TBC1D32: variants seen among roughly 807,000 people sequenced by gnomAD.
The protein encoded by TBC1D32 is TBC1 domain family member 32, also known as protein broad-minded.
In TBC1D32, 151 loss-of-function variants were observed where a neutral mutation model predicts 170.3. That is an observed-to-expected ratio of 0.89 (90% confidence interval 0.78 to 1.01). TBC1D32 has a LOEUF of 1.01. Ranked by LOEUF, TBC1D32 falls within the 50% of genes least tolerant of loss-of-function variation. TBC1D32 has a pLI of 0.00. For missense variants in TBC1D32, 1,464 were observed against 1,457.1 expected (o/e 1.00, Z -0.08); for synonymous variants, 498 against 488.0 (o/e 1.02, Z -0.27).
chr6:121,233,646 A>T (rs1356070037), intron 20 of TBC1D32, among the ~76,000 whole-genome samples: 1 of 152,060 alleles, frequency 6.6e-6, no homozygotes. Flanking sequence ...CTTGGTTAGT[A>T]AATTCTTATC....
At chr6:121,217,436 A>G (rs1793972219) in intron 21 of TBC1D32, among the ~76,000 whole-genome samples, 1 of 152,282 alleles carries the variant, frequency 6.6e-6, no homozygotes, top group South Asian at 2.1e-4. Context: ...AATTGAATAA[A>G]GAAAATGTGG....
Position 121,160,995 on chromosome 6 carries a change from C to T in TBC1D32, c.2632G>A (p.Val878Ile), listed in dbSNP as rs756157694. The T allele has an allele frequency of 3.1e-6, 5 of 1,613,862 alleles. No individual in the cohort carries two copies. The South Asian group carries it at 5.5e-5, about 18-fold the overall frequency. Residue 878 changes from valine (V) to isoleucine (I), a missense_variant, in exon 23 of 32, where the codon GTT (valine) becomes ATT (isoleucine). Physicochemically the swap from Val to Ile is conservative, Grantham distance 29. Around this residue, in one of 3 missense-constraint regions of TBC1D32, gnomAD observed 1,363 missense variants for 1,338.1 expected, o/e 1.02. Transcript: ENST00000398212. Reference protein sequence around the residue: ...RNHVLVRINLVGGPLERILPP... With the variant: ...RNHVLVRINLIGGPLERILPP... ...AAAATCCGTTCCAATGGCCCACCAA[C>T]AAGATTTATTCTAACAAGAACATGA...
At position 121,080,334 on chromosome 6, in the gene TBC1D32, C is replaced by A; in HGVS notation, c.*437G>T. On this transcript the variant is annotated 3_prime_UTR_variant, in exon 32 of 32. Transcript: ENST00000398212. ...CCGGGTTCAAGCGATTCTCCTGCCT[C>A]AGCCTCCCAAGTAGCAGGGACTACA... 1 of 317,144 alleles carries A rather than the reference C, an allele frequency of 3.2e-6. No homozygotes were observed. Among genetic ancestry groups the A allele is most frequent in the Non-Finnish European group, 6.6e-6 (1 of 151,548 alleles). 19.6% of individuals were successfully genotyped at this position (317,144 alleles called of 1,614,324 possible).
chr6:121,125,761 G>C (rs1376191460), intron 26 of TBC1D32, among the ~76,000 whole-genome samples: 1 of 152,196 alleles, frequency 6.6e-6, no homozygotes, highest in Non-Finnish European at 1.5e-5. Flanking sequence ...GGAGAGACAT[G>C]TCTCAGCTCA....
intron 24 of TBC1D32, among the ~76,000 whole-genome samples, chr6:121,135,467 T>C (rs78256012): frequency 0.015 from 2,222 of 152,270 alleles, 67 homozygotes; most frequent in African/African-American, 0.051. Context: ...TGCAGGACTG[T>C]AATGTCTGAG....
At chr6:121,141,879 G>C (rs1001608315) in intron 24 of TBC1D32, among the ~76,000 whole-genome samples, 2 of 152,106 alleles carry the variant, frequency 1.3e-5, no homozygotes, top group African/African-American at 4.8e-5. Context: ...AAAGGTTATG[G>C]CTAAAGGCAG....
At chr6:121,181,789 C>T (rs1159955252) in intron 22 of TBC1D32, among the ~76,000 whole-genome samples, 1 of 152,064 alleles carries the variant, frequency 6.6e-6, no homozygotes, top group Non-Finnish European at 1.5e-5. Flanking sequence ...TATTATTCAG[C>T]CATCAAAAAG....
At chr6:121,273,709 TA>T (rs1334373420) in intron 15 of TBC1D32, among the ~76,000 whole-genome samples, 1 of 151,624 alleles carries the variant, frequency 6.6e-6, no homozygotes, top group African/African-American at 2.4e-5. Flanking sequence ...AAGTTCAGCC[TA>T]AATGTTTCTC....
intron 3 of TBC1D32, among the ~76,000 whole-genome samples, chr6:121,313,108 GTGTGTGTGTGTGTGTGT>G (rs1808457270): frequency 7.7e-4 from 1 of 1,300 alleles, no homozygotes; most frequent in Non-Finnish European, 3.2e-3. Context: ...CTAAGGTGGT[GTGTGTGTGTGTGTGTGT>G]GTGTGTGTGT....
chr6:121,334,671 C>G (rs1811665394), upstream of TBC1D32: 7 of 561,062 alleles, frequency 1.2e-5, no homozygotes, highest in South Asian at 1.5e-4. Context: ...TAGTTGCTAG[C>G]CTTCAGTACC....
intron 12 of TBC1D32, among the ~76,000 whole-genome samples, chr6:121,286,613 C>T (rs1213947506): frequency 1.3e-5 from 2 of 152,112 alleles, no homozygotes; most frequent in African/African-American, 4.8e-5. Flanking sequence ...CCCAACCTAG[C>T]AAGGCAGGCC....
intron 17 of TBC1D32, among the ~76,000 whole-genome samples, chr6:121,245,305 C>G (rs985265847): frequency 6.6e-6 from 1 of 152,190 alleles, no homozygotes; most frequent in Non-Finnish European, 1.5e-5. Flanking sequence ...ATTCACAGCA[C>G]CAGCCTGGAG....
intron 26 of TBC1D32, among the ~76,000 whole-genome samples, chr6:121,117,324 T>C (rs961728281): frequency 2.6e-5 from 4 of 152,154 alleles, no homozygotes; most frequent in African/African-American, 9.7e-5. Flanking sequence ...AACAAAACTA[T>C]GCAGATAAAA....
At chr6:121,247,599 T>C (rs376835612) in intron 17 of TBC1D32, among the ~76,000 whole-genome samples, 1 of 147,738 alleles carries the variant, frequency 6.8e-6, no homozygotes, top group South Asian at 2.1e-4. Flanking sequence ...TCACATAAAC[T>C]TGAGGTAAAG....
intron 24 of TBC1D32, among the ~76,000 whole-genome samples, chr6:121,147,599 T>A (rs1210612460): frequency 1.3e-5 from 2 of 152,118 alleles, no homozygotes; most frequent in Non-Finnish European, 2.9e-5. Flanking sequence ...TTTTATTTTT[T>A]TATTTTTTTT....
intron 10 of TBC1D32, among the ~76,000 whole-genome samples, chr6:121,296,625 A>G (rs57819930): frequency 0.035 from 5,377 of 152,108 alleles, 262 homozygotes; most frequent in African/African-American, 0.1. Flanking sequence ...CCATCCATTT[A>G]TCCCAATTCT....
chr6:121,316,444 T>C (rs997075472), intron 3 of TBC1D32, among the ~76,000 whole-genome samples: 1 of 152,132 alleles, frequency 6.6e-6, no homozygotes, highest in African/African-American at 2.4e-5. Context: ...GCCATCTGAC[T>C]GTATTAAACT....
chr6:121,160,055 T>G lies in TBC1D32; in HGVS notation c.2728A>C (p.Asn910His). The G allele has an allele frequency of 1.2e-6, 2 of 1,609,098 alleles. No homozygotes were observed. Among genetic ancestry groups the G allele is most frequent in the Non-Finnish European group, 1.7e-6 (2 of 1,176,364 alleles). The change falls in exon 24 of 32, where the codon AAC becomes CAC. Residue 910 changes from asparagine (N) to histidine (H), a missense_variant. Physicochemically the swap from Asn to His is moderately conservative, Grantham distance 68. Transcript: ENST00000398212. ...WPMFSSYPLPNCYLSDITRNA... is the reference protein window; with the variant it reads ...WPMFSSYPLPHCYLSDITRNA... ...CTTGTAATGTCTGACAGATAGCAGT[T>G]TGGCAATGGATATGATGAAAACATT...
At chr6:121,247,535 G>A (rs1372457332) in intron 17 of TBC1D32, among the ~76,000 whole-genome samples, 1 of 151,484 alleles carries the variant, frequency 6.6e-6, no homozygotes, top group African/African-American at 2.4e-5. Flanking sequence ...TAGGAGAATG[G>A]ATAACCACCA....
Sources: gnomAD v4.1 joint callset for allele counts (sites outside exome capture counted in the v4.1 genomes callset) on GRCh38, gnomAD v4.1.1 for gene constraint, gnomAD v4.1.1 regional missense constraint, MANE v1.5 for transcripts, NCBI Gene and HGNC (gene_info 2026-07-23, HGNC 2026-07-21) for gene names.